The following MAST3 variants were observed in gnomAD, a reference collection of about 807,000 sequenced individuals.
MAST3 encodes microtubule associated serine/threonine kinase 3, also known as microtubule-associated serine/threonine-protein kinase 3.
Under a neutral mutation model 127.0 loss-of-function variants are expected in MAST3, and 43 were observed. The ratio of observed to expected loss-of-function variants is 0.34; its 90% CI spans 0.27 to 0.44. MAST3 has a LOEUF of 0.44. Among genes scored for constraint, MAST3 ranks in the 20% least tolerant of loss-of-function variants. The pLI, the probability that MAST3 is intolerant of heterozygous loss-of-function variation, is 1.00. For missense variants in MAST3, 1,390 were observed against 1,919.1 expected, an observed-to-expected ratio of 0.72 and a Z score of 5.15; for synonymous variants, 785 against 809.2, an observed-to-expected ratio of 0.97 and a Z score of 0.51.
At chr19:18,100,128 C>CTCTTTTTTTTTATTTTTTTTTTTTTTTTT (rs776661078) in intron 1 of MAST3, among the ~76,000 whole-genome samples, 1 of 121,720 alleles carries the variant, frequency 8.2e-6, no homozygotes, top group Non-Finnish European at 1.8e-5. Context: ...CTCTCTCTCT[C>CTCTTTTTTTTTATTTTTTTTTTTTTTTTT]TTTTTTTTTT....
At chr19:18,107,482 G>T in intron 1 of MAST3, 105 bp from the exon 2 acceptor site, 1 of 1,113,942 alleles carries the variant, frequency 9.0e-7, no homozygotes, top group Non-Finnish European at 1.4e-6. Flanking sequence ...CGGGAAAGAT[G>T]CATTGGTTGG....
chr19:18,124,540 A>AG, intron 10 of MAST3, 102 bp from the exon 11 acceptor site: 1 of 1,454,556 alleles, frequency 6.9e-7, no homozygotes, highest in Non-Finnish European at 9.3e-7. Flanking sequence ...GTGGAGACCC[A>AG]GTGGGTGAGC....
At position 18,107,635 on chromosome 19, in the gene MAST3, C is replaced by A; in HGVS notation, c.71+17C>A. ...AGGACGTGGGTGAGTTCACCTGGGACTGGCGGGCTGGGTGGGCCCCAGTGG... is the reference window on the plus strand; with the variant it reads ...AGGACGTGGGTGAGTTCACCTGGGAATGGCGGGCTGGGTGGGCCCCAGTGG... On this transcript the variant is annotated intron_variant, in intron 2 of 27. Transcript: ENST00000687212. 6.2e-7 allele frequency: 1 copy of A among 1,610,912 alleles called. No homozygotes were observed. Among genetic ancestry groups the A allele is most frequent in the Non-Finnish European group, 8.5e-7 (1 of 1,178,614 alleles).
chr19:18,121,986 G>A lies in MAST3; in HGVS notation c.320+64G>A, dbSNP rs368536886. The A allele has an allele frequency of 3.2e-4, 514 of 1,586,138 alleles. 1 individual carries two copies. The highest frequency in any genetic ancestry group is 4.1e-4 in the Non-Finnish European group (481 of 1,161,238). ...ACGGGCAAGGGTTGGGCAGGGGCAC[G>A]TGCTCGGTGGCTAGACCTGGCTCCT... On this transcript the variant is annotated intron_variant, in intron 5 of 27. Coordinates refer to ENST00000687212, the MANE Select transcript of MAST3 (RefSeq NM_001393504.1).
chr19:18,139,824 CT>C (rs1295033100), intron 20 of MAST3, among the ~76,000 whole-genome samples: 8 of 144,138 alleles, frequency 5.6e-5, no homozygotes, highest in Non-Finnish European at 1.0e-4. Context: ...TTTTTTTTTT[CT>C]TTTTTTTTTT....
intron 3 of MAST3, among the ~76,000 whole-genome samples, chr19:18,115,559 G>A (rs180940000): frequency 6.6e-6 from 1 of 152,010 alleles, no homozygotes; most frequent in Non-Finnish European, 1.5e-5. Flanking sequence ...GCATACCTGG[G>A]GGTCATAGGT....
chr19:18,122,581 G>A, intron 5 of MAST3, 92 bp from the exon 6 acceptor site: 1 of 1,079,018 alleles, frequency 9.3e-7, no homozygotes, highest in South Asian at 1.3e-5. Flanking sequence ...CTACAACAGG[G>A]CCAGAATATG....
chr19:18,123,521 C>T, intron 7 of MAST3, 59 bp from the exon 8 acceptor site: 1 of 1,474,140 alleles, frequency 6.8e-7, no homozygotes, highest in Non-Finnish European at 9.1e-7. Flanking sequence ...GATCCCCCAA[C>T]ATCCTCCCCT....
intron 13 of MAST3, 88 bp downstream of exon 13, chr19:18,129,039 C>T: frequency 9.0e-7 from 1 of 1,116,082 alleles, no homozygotes; most frequent in East Asian, 2.4e-5. Flanking sequence ...CCCCTCCTAC[C>T]CCAGCAGGGC....
intron 12 of MAST3, 87 bp from the exon 13 acceptor site, chr19:18,128,779 C>A: frequency 9.5e-7 from 1 of 1,047,846 alleles, no homozygotes; most frequent in Non-Finnish European, 1.5e-6. Context: ...GCATCGGGCA[C>A]CAGGACCAGT....
In MAST3 at chr19:18,143,928, G is replaced by C; in HGVS notation, c.2505G>C (p.Lys835Asn). 1 of 1,612,780 alleles carries C rather than the reference G, an allele frequency of 6.2e-7. No homozygotes were observed. Among genetic ancestry groups the C allele is most frequent in the Non-Finnish European group, 8.5e-7 (1 of 1,179,472 alleles). The change falls in exon 22 of 28, where the codon AAG (lysine) becomes AAC (asparagine). Residue 835 changes from lysine to asparagine, a missense_variant. Lys to Asn is a moderately conservative substitution (Grantham distance 94). Around this residue, in one of 5 missense-constraint regions of MAST3, gnomAD observed 816 missense variants for 934.1 expected, o/e 0.87. Transcript: ENST00000687212. The part of the protein sequence containing the change: ...EGVGPGPAGP[K>N]RPVFILGEPD... Reference sequence around the variant, plus strand: ...TAGGCCCAGGCCCTGCAGGCCCCAAGAGGCCCGTCTTCATTCTAGGGGAGC... The same window carrying C: ...TAGGCCCAGGCCCTGCAGGCCCCAACAGGCCCGTCTTCATTCTAGGGGAGC...
rs1270711668 is a variant in MAST3 at position 18,147,524 on chromosome 19, C to T, written c.3408C>T (p.His1136=). The change falls in exon 27 of 28, where the codon CAC becomes CAT. Residue 1136 remains histidine (H), a synonymous_variant. Coordinates refer to ENST00000687212, the MANE Select transcript of MAST3 (RefSeq NM_001393504.1). ...GCAGCTTCTCCTCCGGACTCCACCA[C>T]TCACTGTCATCCAGTGAGAGCCTCC... is the stretch of plus-strand genomic sequence containing the variant. ...TSRSFSSGLH[H]SLSSSESLPG... is the part of the protein sequence containing the mutation. 1 of 1,611,348 alleles carries T rather than the reference C, an allele frequency of 6.2e-7. No homozygotes were observed. The highest frequency in any genetic ancestry group is 1.3e-5 in the African/African-American group (1 of 74,836).
intron 3 of MAST3, among the ~76,000 whole-genome samples, chr19:18,116,207 C>T (rs1383970611): frequency 6.7e-6 from 1 of 148,972 alleles, no homozygotes; most frequent in African/African-American, 2.5e-5. Flanking sequence ...GATTCTACCA[C>T]CTCAGCCTCC....
Position 18,141,963 on chromosome 19 carries a change from G to A in MAST3, c.2287G>A (p.Gly763Arg). The change falls in exon 21 of 28, where the codon GGG becomes AGG. Residue 763 changes from glycine to arginine, a missense_variant. Around this residue, in one of 5 missense-constraint regions of MAST3, gnomAD observed 816 missense variants for 934.1 expected, o/e 0.87. Coordinates refer to ENST00000687212, the MANE Select transcript of MAST3 (RefSeq NM_001393504.1). ...ERSFSEDREEGWERSEVDYGR... is the reference protein window; with the variant it reads ...ERSFSEDREERWERSEVDYGR... ...GAGCTTCAGTGAAGACCGGGAGGAG[G>A]GGTGGGAGCGCAGCGAAGTGGACTA... 1 of 1,556,152 alleles carries A rather than the reference G, an allele frequency of 6.4e-7. No individual in the cohort carries two copies. The highest frequency in any genetic ancestry group is 1.2e-5 in the South Asian group (1 of 81,494).
chr19:18,114,739 A>G (rs570202180), intron 3 of MAST3, among the ~76,000 whole-genome samples: 1 of 152,260 alleles, frequency 6.6e-6, no homozygotes, highest in South Asian at 2.1e-4. Context: ...GAAGAAGGCC[A>G]TGAGTTGGGC....
chr19:18,098,818 C>T (rs2037273444), intron 1 of MAST3: 2 of 456,348 alleles, frequency 4.4e-6, no homozygotes, highest in Non-Finnish European at 8.8e-6. Flanking sequence ...GAGTGTTCTG[C>T]AACCTCTGGA....
At chr19:18,134,434 T>C (rs1184785149) in intron 15 of MAST3, 145 bp from the exon 16 acceptor site, 3 of 1,158,532 alleles carry the variant, frequency 2.6e-6, no homozygotes, top group Non-Finnish European at 3.5e-6. Flanking sequence ...TCCAGCTACT[T>C]GGGAGGCTGA....
chr19:18,136,982 C>G (rs547524926), intron 18 of MAST3, among the ~76,000 whole-genome samples: 1 of 152,072 alleles, frequency 6.6e-6, no homozygotes, highest in Non-Finnish European at 1.5e-5. Flanking sequence ...CCACCACACC[C>G]GGCTAATTTT....
At position 18,144,608 on chromosome 19, in the gene MAST3, C is replaced by T. The variant is rs2042844613; in HGVS notation, c.2727C>T (p.Ser909=). The stretch of plus-strand genomic sequence containing the variant: ...CAGCCCCTGAGAAGTCCAGAGCCTC[C>T]TCCAGCGGTGGCAGTGGTGGCGGCA... ...RDPAPEKSRA[S]SSGGSGGGSG... The change falls in exon 23 of 28, where the codon TCC becomes TCT. Residue 909 remains serine, a synonymous_variant. Coordinates refer to ENST00000687212, the MANE Select transcript of MAST3 (RefSeq NM_001393504.1). This position sits in a 1 kb window ranked among gnomAD's most constrained non-coding sequence, Gnocchi z 4.0. The T allele has an allele frequency of 6.2e-7, 1 of 1,611,608 alleles. No individual in the cohort carries two copies. Among genetic ancestry groups the T allele is most frequent in the Admixed American group, 1.7e-5 (1 of 59,958 alleles).
Sources: gnomAD v4.1 joint callset for allele counts (sites outside exome capture counted in the v4.1 genomes callset) on GRCh38, gnomAD v4.1.1 for gene constraint, gnomAD v4.1.1 regional missense constraint, Gnocchi (gnomAD v3.1) non-coding constraint, MANE v1.5 for transcripts, NCBI Gene and HGNC (gene_info 2026-07-23, HGNC 2026-07-21) for gene names.